Variants in GNAI2 observed in about 807,000 individuals in gnomAD.
GNAI2 encodes G protein subunit alpha i2, also known as guanine nucleotide-binding protein G(i) subunit alpha-2.
Under a neutral mutation model 36.8 loss-of-function variants are expected in GNAI2, and 4 were observed. The observed-to-expected ratio is 0.11, with a 90% CI of 0.05 to 0.25. GNAI2 has a LOEUF of 0.25. Ranked by LOEUF, GNAI2 falls within the 10% of genes least tolerant of loss-of-function variation. The pLI, the probability that GNAI2 is intolerant of heterozygous loss-of-function variation, is 1.00. For missense variants in GNAI2, 230 were observed against 481.3 expected (o/e 0.48, Z 4.89); for synonymous variants, 194 against 194.1 (o/e 1.00, Z 0.01).
At position 50,258,515 on chromosome 3, in the gene GNAI2, G is replaced by A. The variant is rs137909745; in HGVS notation, c.*172G>A. 351 of 167,178 alleles carry A rather than the reference G, an allele frequency of 2.1e-3. 1 individual carries two copies. The highest frequency in any genetic ancestry group is 8.1e-3 in the African/African-American group (338 of 41,690). The allele number at this position is 167,178 out of a possible 1,614,324, so 10.4% of individuals were successfully genotyped here. On this transcript the variant is annotated 3_prime_UTR_variant, in exon 9 of 9. Coordinates refer to ENST00000313601, the MANE Select transcript of GNAI2 (RefSeq NM_002070.4). Reference sequence around the variant, plus strand: ...CCCCTCAGCTCCAGACGTAGGGGAGGGGTTGCCACAGGCCTCCCTGTTTGA... The same window carrying A: ...CCCCTCAGCTCCAGACGTAGGGGAGAGGTTGCCACAGGCCTCCCTGTTTGA...
Position 50,242,592 on chromosome 3 carries a change from G to A in GNAI2, c.118+6139G>A, listed in dbSNP as rs79233068. Among the ~76,000 whole-genome samples, 4,172 of 151,756 alleles carry A rather than the reference G, an allele frequency of 0.027. 188 individuals are homozygous for A. The highest frequency in any genetic ancestry group is 0.095 in the African/African-American group (3,922 of 41,322). ...CCAGCCCTTCTAGCTTGAAGCTCTC[G>A]TTCTTACTAAACCCCAACCCCACCC... On this transcript the variant is annotated intron_variant, in intron 1 of 8. Coordinates refer to ENST00000313601, the MANE Select transcript of GNAI2 (RefSeq NM_002070.4). This position sits in a 1 kb window ranked among gnomAD's most constrained non-coding sequence, Gnocchi z 4.8.
At position 50,252,217 on chromosome 3, in the gene GNAI2, G is replaced by A. The variant is rs1037655514; in HGVS notation, c.161+75G>A. 28 of 1,485,060 alleles carry A rather than the reference G, an allele frequency of 1.9e-5. No homozygotes were observed. The highest frequency in any genetic ancestry group is 2.8e-5 in the African/African-American group (2 of 72,434). 92.0% of individuals were successfully genotyped at this position (1,485,060 alleles called of 1,614,324 possible). A position where few individuals can be genotyped will look rare whatever the true frequency, so the allele number is the denominator to read the frequency against. The stretch of plus-strand genomic sequence containing the variant: ...CACCCTCTGGGCCTGCACTGCCCCC[G>A]ACTACAGGCCCAGCCAGTCTTAGCC... On this transcript the variant is annotated intron_variant, in intron 2 of 8. Coordinates refer to ENST00000313601, the MANE Select transcript of GNAI2 (RefSeq NM_002070.4). This position sits in a 1 kb window ranked among gnomAD's most constrained non-coding sequence, Gnocchi z 4.1.
Position 50,242,558 on chromosome 3 carries a change from C to T in GNAI2, c.118+6105C>T, listed in dbSNP as rs1700321112. On this transcript the variant is annotated intron_variant, in intron 1 of 8. Coordinates refer to ENST00000313601, the MANE Select transcript of GNAI2 (RefSeq NM_002070.4). The surrounding 1 kb of genome is among the most constrained non-coding windows in gnomAD (Gnocchi z 4.8). Reference sequence around the variant, plus strand: ...GGTGCAGGGTGGAACCCCGTCTGCCCAGCCCCACCCAGCCCTTCTAGCTTG... The same window carrying T: ...GGTGCAGGGTGGAACCCCGTCTGCCTAGCCCCACCCAGCCCTTCTAGCTTG... 1.3e-5 allele frequency among the ~76,000 whole-genome samples: 2 copies of T among 152,108 alleles called. No individual in the cohort carries two copies. The highest frequency in any genetic ancestry group is 2.9e-5 in the Non-Finnish European group (2 of 68,014).
intron 1 of GNAI2, among the ~76,000 whole-genome samples, chr3:50,248,857 G>A (rs782633652): frequency 3.3e-5 from 5 of 152,076 alleles, no homozygotes; most frequent in Admixed American, 6.5e-5. Flanking sequence ...GGGGCAGGGA[G>A]CAGATATCCT....
upstream of GNAI2, chr3:50,227,100 A>G (rs1699987693): frequency 2.5e-6 from 3 of 1,214,582 alleles, no homozygotes; most frequent in East Asian, 9.9e-5. The surrounding 1 kb of genome is among the most constrained non-coding windows in gnomAD (Gnocchi z 5.9). Context: ...GTGAAGTGGA[A>G]GCGCGAGAAG....
rs782237064 is a variant in GNAI2 at position 50,258,805 on chromosome 3, G to A, written c.*462G>A. On this transcript the variant is annotated 3_prime_UTR_variant, in exon 9 of 9. Transcript: ENST00000313601. Reference sequence around the variant, plus strand: ...ACCCCAGCCGCTCGGAGGCCCCAAAGGAAAAAGCACAAGAAGCGTGAGACG... The same window carrying A: ...ACCCCAGCCGCTCGGAGGCCCCAAAAGAAAAAGCACAAGAAGCGTGAGACG... 4.9e-6 allele frequency: 2 copies of A among 408,868 alleles called. No individual in the cohort carries two copies. The highest frequency in any genetic ancestry group is 9.4e-6 in the Non-Finnish European group (2 of 212,536). The allele number at this position is 408,868 out of a possible 1,614,324, so 25.3% of individuals were successfully genotyped here. A position where few individuals can be genotyped will look rare whatever the true frequency, so the allele number is the denominator to read the frequency against.
At chr3:50,243,070 G>T (rs1220862030) in intron 1 of GNAI2, among the ~76,000 whole-genome samples, 1 of 152,154 alleles carries the variant, frequency 6.6e-6, no homozygotes, top group Non-Finnish European at 1.5e-5. Flanking sequence ...GTGCTAGGGT[G>T]GGGGTGAGAG....
Position 50,236,229 on chromosome 3 carries a change from TG to T in GNAI2, c.-106del. The T allele has an allele frequency of 8.4e-7, 1 of 1,190,822 alleles. No homozygotes were observed. The highest frequency in any genetic ancestry group is 1.0e-6 in the Non-Finnish European group (1 of 961,832). 73.8% of individuals were successfully genotyped at this position (1,190,822 alleles called of 1,614,324 possible). On this transcript the variant is annotated 5_prime_UTR_variant, in exon 1 of 9. Coordinates refer to ENST00000313601, the MANE Select transcript of GNAI2 (RefSeq NM_002070.4). This position sits in a 1 kb window ranked among gnomAD's most constrained non-coding sequence, Gnocchi z 4.0. ...AGTCGCTCGGAACTGCCGACCCGAG[TG>T]CTTCCCGCAGAGGGCTGGTGGTGGG... is the stretch of plus-strand genomic sequence containing the variant.
At chr3:50,249,595 C>T (rs1700507205) in intron 1 of GNAI2, among the ~76,000 whole-genome samples, 2 of 152,324 alleles carry the variant, frequency 1.3e-5, no homozygotes, top group South Asian at 4.1e-4. Context: ...CCAGCCACAG[C>T]GCCCCAGCCT....
rs183872438 is a variant in GNAI2, at chr3:50,258,788, C to T, written c.*445C>T. 52 of 391,320 alleles carry T rather than the reference C, an allele frequency of 1.3e-4. No homozygotes were observed. In the East Asian group the frequency reaches 3.3e-3, roughly 25 times the overall value. The allele number at this position is 391,320 out of a possible 1,614,324, so 24.2% of individuals were successfully genotyped here. Reference sequence around the variant, plus strand: ...TCCTGCCCAGTCCCCCAACCCCAGCCGCTCGGAGGCCCCAAAGGAAAAAGC... The same window carrying T: ...TCCTGCCCAGTCCCCCAACCCCAGCTGCTCGGAGGCCCCAAAGGAAAAAGC... On this transcript the variant is annotated 3_prime_UTR_variant, in exon 9 of 9. Transcript: ENST00000313601.
rs1369248249 is a variant in GNAI2 at position 50,238,514 on chromosome 3, G to A, written c.118+2061G>A. ...TTCTAGCCTGGGAAGTTCACCCTGG[G>A]GTCCTGGCCTTCTGGCCTTTGCTTA... On this transcript the variant is annotated intron_variant, in intron 1 of 8. Coordinates refer to ENST00000313601, the MANE Select transcript of GNAI2 (RefSeq NM_002070.4). This position sits in a 1 kb window ranked among gnomAD's most constrained non-coding sequence, Gnocchi z 5.0. The A allele has an allele frequency of 6.6e-6, 1 of 152,328 alleles. No individual in the cohort carries two copies. Among genetic ancestry groups the A allele is most frequent in the Non-Finnish European group, 1.5e-5 (1 of 68,126 alleles). 9.4% of individuals were successfully genotyped at this position (152,328 alleles called of 1,614,324 possible).
intron 1 of GNAI2, among the ~76,000 whole-genome samples, chr3:50,237,604 C>G (rs1182795031): frequency 1.3e-5 from 2 of 151,718 alleles, no homozygotes; most frequent in Non-Finnish European, 2.9e-5. Context: ...GGTGGACTAG[C>G]TGAATGAGGA....
intron 5 of GNAI2, 88 bp from the exon 6 acceptor site, chr3:50,256,635 C>A: frequency 6.9e-7 from 1 of 1,439,466 alleles, no homozygotes; most frequent in Non-Finnish European, 9.7e-7. Context: ...CTGGGCAGGC[C>A]TCTGTCCTCA....
chr3:50,250,935 G>A (rs1553702365), intron 1 of GNAI2, among the ~76,000 whole-genome samples: 4 of 151,578 alleles, frequency 2.6e-5, no homozygotes, highest in Non-Finnish European at 2.9e-5. Context: ...TCAGCCTCCC[G>A]AGCCGCTGGG....
intron 1 of GNAI2, among the ~76,000 whole-genome samples, chr3:50,245,028 C>T (rs1385588919): frequency 6.7e-6 from 1 of 148,300 alleles, no homozygotes; most frequent in African/African-American, 2.5e-5. Context: ...GACTGAGTTT[C>T]GCTCTTGTTG....
At chr3:50,251,183 G>A (rs1553702391) in intron 1 of GNAI2, 1 of 174,556 alleles carries the variant, frequency 5.7e-6, no homozygotes, top group African/African-American at 2.4e-5. Context: ...GAATGGCAGG[G>A]TGGACCAGGC....
chr3:50,250,245 G>A (rs1177158868), intron 1 of GNAI2, among the ~76,000 whole-genome samples: 2 of 152,184 alleles, frequency 1.3e-5, no homozygotes, highest in African/African-American at 2.4e-5. Context: ...TAGCTTTGCT[G>A]TCGATATTGC....
intron 1 of GNAI2, among the ~76,000 whole-genome samples, chr3:50,249,513 A>G (rs2109204620): frequency 6.6e-6 from 1 of 152,200 alleles, no homozygotes; most frequent in Admixed American, 6.5e-5. Flanking sequence ...ATCCCGGTAC[A>G]CACCCCAGTG....
At chr3:50,246,781 G>A in intron 1 of GNAI2, 2 of 635,010 alleles carry the variant, frequency 3.1e-6, no homozygotes, top group South Asian at 4.9e-5. Flanking sequence ...TGTGCAGCCA[G>A]TGAGCAATGT....
Sources: gnomAD v4.1 joint callset for allele counts (sites outside exome capture counted in the v4.1 genomes callset) on GRCh38, gnomAD v4.1.1 for gene constraint, Gnocchi (gnomAD v3.1) non-coding constraint, MANE v1.5 for transcripts, NCBI Gene and HGNC (gene_info 2026-07-23, HGNC 2026-07-21) for gene names.